ZNF260: variants seen among roughly 807,000 people sequenced by gnomAD.
ZNF260 encodes zinc finger protein 260.
ZNF260 carries 21 observed loss-of-function variants against 29.3 expected under a neutral mutation model. The ratio of observed to expected loss-of-function variants is 0.72; its 90% CI spans 0.51 to 1.03. ZNF260 has a LOEUF of 1.03. ZNF260 is among the 50% of genes least tolerant of loss of function. ZNF260 has a pLI of 0.00. For missense variants in ZNF260, 465 were observed against 487.8 expected (o/e 0.95, Z 0.44); for synonymous variants, 156 against 156.8 (o/e 0.99, Z 0.04).
rs1024275426 is a variant in ZNF260 at position 36,514,529 on chromosome 19, C to T, written c.710G>A (p.Arg237Lys). The T allele has an allele frequency of 6.2e-7, 1 of 1,613,758 alleles. No individual in the cohort carries two copies. Among genetic ancestry groups the T allele is most frequent in the Non-Finnish European group, 8.5e-7 (1 of 1,179,974 alleles). Residue 237 changes from arginine (R) to lysine (K), a missense_variant, in exon 3 of 3, where the codon AGA (arginine) becomes AAA (lysine). Transcript: ENST00000523638. Reference sequence around the variant, plus strand: ...CTCTCCTGTGTGACTTCTCTGGTGTCTAATGAGGCTTGACTTCTGAATGAA... The same window carrying T: ...CTCTCCTGTGTGACTTCTCTGGTGTTTAATGAGGCTTGACTTCTGAATGAA... ...KAFIQKSSLIRHQRSHTGEKP... is the reference protein window; with the variant it reads ...KAFIQKSSLIKHQRSHTGEKP...
chr19:36,512,344 GA>G lies in ZNF260; in HGVS notation c.*1655del, dbSNP rs1295651731. 1.3e-5 allele frequency: 2 copies of G among 152,000 alleles called. No individual in the cohort carries two copies. The highest frequency in any genetic ancestry group is 2.9e-5 in the Non-Finnish European group (2 of 67,968). The allele number at this position is 152,000 out of a possible 1,614,324, so 9.4% of individuals were successfully genotyped here. A position where few individuals can be genotyped will look rare whatever the true frequency, so the allele number is the denominator to read the frequency against. ...TCCTATCTGGACTTTTTAACTTTCA[GA>G]AGTTTAAGGAAATAAATAGCACGAA... On this transcript the variant is annotated 3_prime_UTR_variant, in exon 3 of 3. Transcript: ENST00000523638.
chr19:36,521,039 C>T (rs1423286475), intron 2 of ZNF260, among the ~76,000 whole-genome samples: 3 of 150,300 alleles, frequency 2.0e-5, no homozygotes, highest in Admixed American at 6.6e-5. Flanking sequence ...TGTGATCATG[C>T]CACTGCACTC....
Position 36,514,662 on chromosome 19 carries a change from T to C in ZNF260, c.577A>G (p.Lys193Glu). ...AAAGCTTTTCCACACTCACTACATT[T>C]AAAGGGCTTCTTTCCAGTATGGATG... Reference protein sequence around the residue: ...QNIHTGKKPFKCSECGKAFSQ... With the variant: ...QNIHTGKKPFECSECGKAFSQ... Residue 193 changes from lysine (K) to glutamate (E), a missense_variant, in exon 3 of 3, where the codon AAA (lysine) becomes GAA (glutamate). By Grantham distance (56) the Lys-to-Glu change is moderately conservative (BLOSUM62 1). Coordinates refer to ENST00000523638, the MANE Select transcript of ZNF260 (RefSeq NM_001166037.2). The C allele has an allele frequency of 6.2e-7, 1 of 1,614,048 alleles. No individual in the cohort carries two copies. Among genetic ancestry groups the C allele is most frequent in the Non-Finnish European group, 8.5e-7 (1 of 1,180,006 alleles).
At position 36,514,744 on chromosome 19, in the gene ZNF260, T is replaced by A. The variant is rs1328745936; in HGVS notation, c.495A>T (p.Glu165Asp). The A allele has an allele frequency of 3.1e-6, 5 of 1,613,678 alleles. No individual in the cohort carries two copies. The highest frequency in any genetic ancestry group is 4.2e-6 in the Non-Finnish European group (5 of 1,180,012). ...EKIHTGEKPF[E>D]CNQCGRAFSQ... is the part of the protein sequence containing the mutation. ...TGAAGGCTCTTCCACACTGATTACATTCAAATGGTTTTTCTCCAGTATGAA... is the reference window on the plus strand; with the variant it reads ...TGAAGGCTCTTCCACACTGATTACAATCAAATGGTTTTTCTCCAGTATGAA... Residue 165 changes from glutamate (E) to aspartate (D), a missense_variant, in exon 3 of 3, where the codon GAA (glutamate) becomes GAT (aspartate). Coordinates refer to ENST00000523638, the MANE Select transcript of ZNF260 (RefSeq NM_001166037.2).
intron 2 of ZNF260, among the ~76,000 whole-genome samples, chr19:36,516,786 G>T (rs2034558891): frequency 2.6e-5 from 4 of 152,050 alleles, no homozygotes; most frequent in Admixed American, 2.6e-4. Context: ...CACCACGTTG[G>T]CCAGGGTGGT....
Position 36,512,588 on chromosome 19 carries a change from T to G in ZNF260, c.*1412A>C, listed in dbSNP as rs2034469141. ...TATCCTTTCAATCCATTCTTTAGTT[T>G]TACATAATTTATCCATAACCAATTC... is the stretch of plus-strand genomic sequence containing the variant. On this transcript the variant is annotated 3_prime_UTR_variant, in exon 3 of 3. Transcript: ENST00000523638. The G allele has an allele frequency of 6.6e-6, 1 of 152,120 alleles. No homozygotes were observed. Among genetic ancestry groups the G allele is most frequent in the African/African-American group, 2.4e-5 (1 of 41,438 alleles). 9.4% of individuals were successfully genotyped at this position (152,120 alleles called of 1,614,324 possible). A position where few individuals can be genotyped will look rare whatever the true frequency, so the allele number is the denominator to read the frequency against.
chr19:36,524,797 G>A (rs1415512059), intron 2 of ZNF260, among the ~76,000 whole-genome samples: 1 of 152,102 alleles, frequency 6.6e-6, no homozygotes, highest in South Asian at 2.1e-4. Context: ...GGCATACAGG[G>A]AAAAGTGAAA....
rs903605320 is a variant in ZNF260, at chr19:36,510,955, G to A, written c.*3045C>T. ...TGACTTCAAGGCTACCCAAGCACAT[G>A]GGCAAAACACTTAAAAAATATGAAA... On this transcript the variant is annotated 3_prime_UTR_variant, in exon 3 of 3. Coordinates refer to ENST00000523638, the MANE Select transcript of ZNF260 (RefSeq NM_001166037.2). 2.0e-5 allele frequency: 3 copies of A among 151,946 alleles called. No homozygotes were observed. Among genetic ancestry groups the A allele is most frequent in the African/African-American group, 7.3e-5 (3 of 41,370 alleles). The allele number at this position is 151,946 out of a possible 1,614,324, so 9.4% of individuals were successfully genotyped here.
Position 36,513,740 on chromosome 19 carries a change from A to G in ZNF260, c.*260T>C, listed in dbSNP as rs1037756500. The G allele has an allele frequency of 1.2e-5, 6 of 494,538 alleles. No homozygotes were observed. The highest frequency in any genetic ancestry group is 3.5e-5 in the Admixed American group (1 of 28,844). 30.6% of individuals were successfully genotyped at this position (494,538 alleles called of 1,614,324 possible). ...TAGGCCTTCCAGGAACACATTAAGT[A>G]GTGTCCATGACTAGATCCTAACTTT... On this transcript the variant is annotated 3_prime_UTR_variant, in exon 3 of 3. Transcript: ENST00000523638.
rs939055784 is a variant in ZNF260, at chr19:36,513,904, T to A, written c.*96A>T. The A allele has an allele frequency of 1.5e-6, 2 of 1,363,728 alleles. No individual in the cohort carries two copies. 84.5% of individuals were successfully genotyped at this position (1,363,728 alleles called of 1,614,324 possible). A position where few individuals can be genotyped will look rare whatever the true frequency, so the allele number is the denominator to read the frequency against. On this transcript the variant is annotated 3_prime_UTR_variant, in exon 3 of 3. Coordinates refer to ENST00000523638, the MANE Select transcript of ZNF260 (RefSeq NM_001166037.2). The stretch of plus-strand genomic sequence containing the variant: ...AATTGCTGCTGAAGGACTTCCCACA[T>A]TCATGTCACTTTAATGTAAAATGAA...
Position 36,528,244 on chromosome 19 carries a change from G to A in ZNF260, c.-706C>T, listed in dbSNP as rs951341763. 4 of 132,982 alleles carry A rather than the reference G, an allele frequency of 3.0e-5. No individual in the cohort carries two copies. Among genetic ancestry groups the A allele is most frequent in the African/African-American group, 1.1e-4 (4 of 37,496 alleles). 8.2% of individuals were successfully genotyped at this position (132,982 alleles called of 1,614,324 possible). Reference sequence around the variant, plus strand: ...CGGCAGACAAAGACGACCATGGCAAGTCGGAGATTCCGCGCCTGCGCACTC... The same window carrying A: ...CGGCAGACAAAGACGACCATGGCAAATCGGAGATTCCGCGCCTGCGCACTC... On this transcript the variant is annotated 5_prime_UTR_variant, in exon 1 of 3. Transcript: ENST00000523638.
At chr19:36,523,625 T>C (rs1279630087) in intron 2 of ZNF260, among the ~76,000 whole-genome samples, 1 of 150,702 alleles carries the variant, frequency 6.6e-6, no homozygotes, top group East Asian at 1.9e-4. Context: ...TCGCCCAGAC[T>C]GGAGTGCAGT....
intron 2 of ZNF260, among the ~76,000 whole-genome samples, chr19:36,515,996 C>A (rs373885721): frequency 6.6e-6 from 1 of 151,866 alleles, no homozygotes; most frequent in East Asian, 1.9e-4. Flanking sequence ...CTCAGCCTCC[C>A]GAGTAGCTGG....
intron 2 of ZNF260, among the ~76,000 whole-genome samples, chr19:36,522,921 C>T (rs1444988086): frequency 6.6e-6 from 1 of 152,216 alleles, no homozygotes. Context: ...CTTAGCTTTA[C>T]TGTGATTAGT....
chr19:36,514,580 T>G lies in ZNF260; in HGVS notation c.659A>C (p.Tyr220Ser). 1 of 1,614,132 alleles carries G rather than the reference T, an allele frequency of 6.2e-7. No homozygotes were observed. The highest frequency in any genetic ancestry group is 8.5e-7 in the Non-Finnish European group (1 of 1,180,004). Residue 220 changes from tyrosine (Y) to serine (S), a missense_variant, in exon 3 of 3, where the codon TAT becomes TCT. Transcript: ENST00000523638. ...HQRIHTGEKP[Y>S]ECKGCGKAFI... ...AGCTTTCCCACACCCTTTACATTCA[T>G]AAGGTTTCTCTCCAGTATGGATTCT... is the stretch of plus-strand genomic sequence containing the variant.
chr19:36,514,335 T>C lies in ZNF260; in HGVS notation c.904A>G (p.Lys302Glu). Residue 302 changes from lysine to glutamate, a missense_variant, in exon 3 of 3, where the codon AAA (lysine) becomes GAA (glutamate). Physicochemically the swap from Lys to Glu is moderately conservative, Grantham distance 56 (BLOSUM62 1). Transcript: ENST00000523638. ...CCACATTTATTACATTCATAGGGTT[T>C]CTCTCCTGTATGAATATTGTGATGT... ...IKHHNIHTGE[K>E]PYECNKCGKA... 1 of 1,614,146 alleles carries C rather than the reference T, an allele frequency of 6.2e-7. No individual in the cohort carries two copies. Among genetic ancestry groups the C allele is most frequent in the Non-Finnish European group, 8.5e-7 (1 of 1,179,998 alleles).
At chr19:36,525,077 A>G (rs2034712154) in intron 2 of ZNF260, 78 bp downstream of exon 2, 1 of 152,444 alleles carries the variant, frequency 6.6e-6, no homozygotes, top group Non-Finnish European at 1.5e-5. Context: ...CAAACAAACA[A>G]AAAAACCCCA....
chr19:36,522,893 TG>T (rs1332617500), intron 2 of ZNF260, among the ~76,000 whole-genome samples: 8 of 152,276 alleles, frequency 5.3e-5, no homozygotes, highest in Non-Finnish European at 1.2e-4. Flanking sequence ...ACTGGCACTT[TG>T]AAGTTTATTA....
chr19:36,516,931 T>C (rs572402158), intron 2 of ZNF260, among the ~76,000 whole-genome samples: 1 of 152,118 alleles, frequency 6.6e-6, no homozygotes, highest in Admixed American at 6.6e-5. Flanking sequence ...AAAGGACAAA[T>C]ACTTAAAAGA....
Sources: allele counts gnomAD v4.1 joint callset (sites outside exome capture counted in the v4.1 genomes callset), GRCh38; gene constraint gnomAD v4.1.1; transcripts MANE v1.5; gene names NCBI Gene and HGNC (gene_info 2026-07-23, HGNC 2026-07-21).